Variants in DNAJC17 observed in about 807,000 individuals in gnomAD.
DNAJC17 encodes dnaJ homolog subfamily C member 17.
DNAJC17 carries 35 observed loss-of-function variants against 48.1 expected under a neutral mutation model. That is an observed-to-expected ratio of 0.73 (90% CI 0.56 to 0.96). DNAJC17 has a LOEUF of 0.96. DNAJC17 is among the 50% of genes least tolerant of loss of function. DNAJC17 has a pLI of 0.00. For missense variants in DNAJC17, 355 were observed against 377.1 expected (o/e 0.94, Z 0.48); for synonymous variants, 117 against 142.7 (o/e 0.82, Z 1.28).
intron 6 of DNAJC17, 108 bp downstream of exon 6, chr15:40,776,088 C>G: frequency 9.8e-7 from 1 of 1,019,038 alleles, no homozygotes; most frequent in Non-Finnish European, 1.5e-6. Context: ...CCCCAGGGTT[C>G]CAGCAGGTAG....
intron 6 of DNAJC17, among the ~76,000 whole-genome samples, chr15:40,775,837 G>C (rs921350206): frequency 6.6e-6 from 1 of 152,132 alleles, no homozygotes; most frequent in African/African-American, 2.4e-5. Context: ...TCTCTGAATG[G>C]AGAGCTAGGA....
At chr15:40,799,672 T>G (rs1182015404) in intron 1 of DNAJC17, among the ~76,000 whole-genome samples, 1 of 152,202 alleles carries the variant, frequency 6.6e-6, no homozygotes, top group Non-Finnish European at 1.5e-5. Flanking sequence ...TGCTGGATCA[T>G]ATTACTTCTA....
chr15:40,776,285 C>T lies in DNAJC17; in HGVS notation c.389G>A (p.Arg130His), dbSNP rs186135784. Reference sequence around the variant, plus strand: ...CTGCCGGGAACCCTCTTCTCTCAGGCGTTCGATCTGCAGAGCAGGGGGTGG... The same window carrying T: ...CTGCCGGGAACCCTCTTCTCTCAGGTGTTCGATCTGCAGAGCAGGGGGTGG... ...STRTLEQEIERLREEGSRQLE... is the reference protein window; with the variant it reads ...STRTLEQEIEHLREEGSRQLE... Residue 130 changes from arginine to histidine, a missense_variant, in exon 6 of 11, where the codon CGC becomes CAC. Around this residue, in one of 3 missense-constraint regions of DNAJC17, gnomAD observed 199 missense variants for 199.9 expected, o/e 1.00. Transcript: ENST00000220496. 69 of 1,614,080 alleles carry T rather than the reference C, an allele frequency of 4.3e-5. No homozygotes were observed. The East Asian group carries it at 5.1e-4, about 12-fold the overall frequency.
chr15:40,793,730 A>G (rs1343810105), intron 1 of DNAJC17, among the ~76,000 whole-genome samples: 1 of 151,988 alleles, frequency 6.6e-6, no homozygotes, highest in Non-Finnish European at 1.5e-5. Context: ...GAACTGACTC[A>G]TAGTGAGCGC....
intron 1 of DNAJC17, among the ~76,000 whole-genome samples, chr15:40,786,815 G>A (rs999434414): frequency 1.3e-5 from 2 of 152,152 alleles, no homozygotes; most frequent in African/African-American, 2.4e-5. Context: ...TGAGTACTTC[G>A]AACTGCAATT....
At chr15:40,776,878 G>T in intron 4 of DNAJC17, 1 of 472,572 alleles carries the variant, frequency 2.1e-6, no homozygotes, top group Non-Finnish European at 3.9e-6. Flanking sequence ...GACCAAGCTG[G>T]TTCTCTCTAG....
chr15:40,807,405 C>A lies in DNAJC17; in HGVS notation c.42G>T (p.Ala14=). 1 of 1,614,244 alleles carries A rather than the reference C, an allele frequency of 6.2e-7. No individual in the cohort carries two copies. Among genetic ancestry groups the A allele is most frequent in the Non-Finnish European group, 8.5e-7 (1 of 1,180,046 alleles). The change falls in exon 1 of 11, where the codon GCG becomes GCT. Residue 14 remains alanine (A), a synonymous_variant. Coordinates refer to ENST00000220496, the MANE Select transcript of DNAJC17 (RefSeq NM_018163.3). The part of the protein sequence containing the change: ...TKELLQMDLY[A]LLGIEEKAAD... The stretch of plus-strand genomic sequence containing the variant: ...CTGCCTTCTCCTCAATGCCTAGCAG[C>A]GCGTACAGGTCCATCTGTAAGAGCT...
chr15:40,807,304 G>A (rs1566834573), intron 1 of DNAJC17, 65 bp downstream of exon 1: 1 of 1,613,618 alleles, frequency 6.2e-7, no homozygotes, highest in Non-Finnish European at 8.5e-7. Flanking sequence ...AGCAGTGGCC[G>A]AGGCGCTAGG....
In DNAJC17 at chr15:40,779,225, A is replaced by G. The variant is rs766549642; in HGVS notation, c.293T>C (p.Leu98Pro). ...CCGAGCACTATGATGGCACCTACCA[A>G]GCTTCACTTTCTTCCTTTTCTCATC... is the stretch of plus-strand genomic sequence containing the variant. The part of the protein sequence containing the change: ...KLDEKRKKVK[L>P]DLEARERQAQ... The change falls in exon 4 of 11, where the codon CTT becomes CCT. Residue 98 changes from leucine to proline, a missense_variant and splice_region_variant. Physicochemically the swap from Leu to Pro is moderately conservative, Grantham distance 98 (BLOSUM62 -3). Coordinates refer to ENST00000220496, the MANE Select transcript of DNAJC17 (RefSeq NM_018163.3). 1.2e-5 allele frequency: 19 copies of G among 1,614,066 alleles called. No individual in the cohort carries two copies. In the South Asian group the frequency reaches 1.9e-4, roughly 16 times the overall value.
Position 40,770,695 on chromosome 15 carries a change from G to C in DNAJC17, c.793-2633C>G, listed in dbSNP as rs749320471. On this transcript the variant is annotated intron_variant, in intron 10 of 10. Transcript: ENST00000220496. The surrounding 1 kb of genome is among the most constrained non-coding windows in gnomAD (Gnocchi z 5.0). Reference sequence around the variant, plus strand: ...CCAGATGGCCGGCGCCTGCCACTGTGGGGGGACGAGCAGCCCCGGGCCACC... The same window carrying C: ...CCAGATGGCCGGCGCCTGCCACTGTCGGGGGACGAGCAGCCCCGGGCCACC... 4 of 1,547,826 alleles carry C rather than the reference G, an allele frequency of 2.6e-6. No homozygotes were observed. Among genetic ancestry groups the C allele is most frequent in the Non-Finnish European group, 2.6e-6 (3 of 1,146,908 alleles).
intron 1 of DNAJC17, among the ~76,000 whole-genome samples, chr15:40,796,177 A>C (rs1889936807): frequency 6.6e-6 from 1 of 152,228 alleles, no homozygotes; most frequent in South Asian, 2.1e-4. Context: ...ACAAAGATTT[A>C]TTAAGCATCT....
chr15:40,783,344 G>A (rs1297351411), intron 1 of DNAJC17, among the ~76,000 whole-genome samples: 1 of 152,140 alleles, frequency 6.6e-6, no homozygotes, highest in Non-Finnish European at 1.5e-5. Context: ...TCTGTTGGGT[G>A]TTTGTTCCTG....
chr15:40,791,801 C>T (rs1281747070), intron 1 of DNAJC17, among the ~76,000 whole-genome samples: 2 of 152,106 alleles, frequency 1.3e-5, no homozygotes, highest in African/African-American at 2.4e-5. Flanking sequence ...GCCAAGATCA[C>T]GCCATTGCAC....
At chr15:40,774,491 G>A in intron 8 of DNAJC17, 55 bp from the exon 9 acceptor site, 1 of 1,596,786 alleles carries the variant, frequency 6.3e-7, no homozygotes. Context: ...GATGGCCCAG[G>A]TCATGCCAGA....
chr15:40,794,959 G>GC (rs1403804443), intron 1 of DNAJC17, among the ~76,000 whole-genome samples: 4 of 152,004 alleles, frequency 2.6e-5, no homozygotes, highest in African/African-American at 7.2e-5. Flanking sequence ...CCTCAGGTGA[G>GC]CCCCCCGCCT....
chr15:40,772,198 T>C (rs1252558363), intron 10 of DNAJC17: 2 of 167,014 alleles, frequency 1.2e-5, no homozygotes, highest in Non-Finnish European at 1.5e-5. Context: ...CCAAGCCCAC[T>C]GGGTCAAAGC....
At chr15:40,791,845 G>GA (rs919097258) in intron 1 of DNAJC17, among the ~76,000 whole-genome samples, 1 of 151,954 alleles carries the variant, frequency 6.6e-6, no homozygotes, top group Non-Finnish European at 1.5e-5. Flanking sequence ...AACTCCATCT[G>GA]AAAAAAACAA....
intron 1 of DNAJC17, among the ~76,000 whole-genome samples, chr15:40,800,117 G>A (rs764680749): frequency 1.9e-4 from 29 of 152,266 alleles, no homozygotes; most frequent in Non-Finnish European, 2.6e-4. Context: ...CCATCACCCA[G>A]CCTGGAGTGC....
intron 1 of DNAJC17, among the ~76,000 whole-genome samples, chr15:40,797,844 C>A (rs930221277): frequency 2.6e-5 from 4 of 151,904 alleles, no homozygotes; most frequent in Admixed American, 2.0e-4. Context: ...GCCTCACCCC[C>A]CTGGGTAGGT....
Sources: allele counts gnomAD v4.1 joint callset (sites outside exome capture counted in the v4.1 genomes callset), GRCh38; gene constraint gnomAD v4.1.1; regional missense constraint gnomAD v4.1.1; non-coding constraint Gnocchi (gnomAD v3.1); transcripts MANE v1.5; gene names NCBI Gene and HGNC (gene_info 2026-07-23, HGNC 2026-07-21).